CTNNA2: variants seen among roughly 807,000 people sequenced by gnomAD.
CTNNA2 encodes catenin alpha 2, also known as catenin alpha-2.
In CTNNA2, 42 loss-of-function variants were observed where a neutral mutation model predicts 101.0. The observed-to-expected ratio is 0.42, with a 90% CI of 0.32 to 0.54. The LOEUF (loss-of-function observed/expected upper bound fraction) is 0.54, where lower values mean the gene tolerates loss of function less well. CTNNA2 is among the 20% of genes least tolerant of loss of function. The pLI, the probability that CTNNA2 is intolerant of heterozygous loss-of-function variation, is 0.14. For missense variants in CTNNA2, 871 were observed against 1,223.1 expected (o/e 0.71, Z 4.29); for synonymous variants, 450 against 456.4 (o/e 0.99, Z 0.18).
At chr2:79,196,460 CA>C (rs1558570125) in intron 1 of CTNNA2, among the ~76,000 whole-genome samples, 1 of 152,156 alleles carries the variant, frequency 6.6e-6, no homozygotes, top group East Asian at 1.9e-4. Flanking sequence ...TCCTTCAAAC[CA>C]GTTACAACTT....
intron 9 of CTNNA2, among the ~76,000 whole-genome samples, chr2:80,478,248 T>G (rs971995290): frequency 6.6e-6 from 1 of 152,138 alleles, no homozygotes; most frequent in Non-Finnish European, 1.5e-5. Flanking sequence ...TTATTTGTTA[T>G]TGGTTTATTT....
chr2:80,046,219 C>T (rs533546665), intron 7 of CTNNA2, among the ~76,000 whole-genome samples: 2 of 152,250 alleles, frequency 1.3e-5, no homozygotes, highest in South Asian at 2.1e-4. Context: ...AGAAGTGTGC[C>T]ATGCCTCTCC....
intron 7 of CTNNA2, among the ~76,000 whole-genome samples, chr2:79,926,815 G>A (rs1275300927): frequency 1.3e-5 from 2 of 151,698 alleles, no homozygotes; most frequent in Non-Finnish European, 2.9e-5. Flanking sequence ...ATATGCAATA[G>A]AATGAGAGAC....
chr2:79,923,455 A>G (rs946139853), intron 7 of CTNNA2, among the ~76,000 whole-genome samples: 1 of 152,124 alleles, frequency 6.6e-6, no homozygotes, highest in Non-Finnish European at 1.5e-5. Flanking sequence ...AATTAATTAA[A>G]TTGACAAGTA....
At chr2:79,256,089 GAAA>G (rs1445416441) in intron 2 of CTNNA2, among the ~76,000 whole-genome samples, 1 of 152,166 alleles carries the variant, frequency 6.6e-6, no homozygotes, top group Admixed American at 6.6e-5. Context: ...TGGCAAGAGT[GAAA>G]ACAAGCCAAC....
chr2:79,624,988 G>A (rs1558780896), intron 1 of CTNNA2, among the ~76,000 whole-genome samples: 1 of 152,168 alleles, frequency 6.6e-6, no homozygotes, highest in South Asian at 2.1e-4. Flanking sequence ...TGCGTTGAGA[G>A]CATAGTAGGA....
At chr2:80,007,445 A>C (rs137951202) in intron 7 of CTNNA2, among the ~76,000 whole-genome samples, 1 of 152,254 alleles carries the variant, frequency 6.6e-6, no homozygotes, top group African/African-American at 2.4e-5. Context: ...ATTAGTAGCA[A>C]CTACTACTAA....
At chr2:79,884,482 C>G (rs1310801356) in intron 6 of CTNNA2, among the ~76,000 whole-genome samples, 2 of 152,132 alleles carry the variant, frequency 1.3e-5, no homozygotes, top group African/African-American at 4.8e-5. Context: ...CTTTTATTTT[C>G]TACTTTTCGA....
intron 7 of CTNNA2, among the ~76,000 whole-genome samples, chr2:80,284,975 G>C (rs146049496): frequency 1.3e-5 from 2 of 152,162 alleles, no homozygotes; most frequent in Non-Finnish European, 2.9e-5. Flanking sequence ...CTTAGTCCTA[G>C]TGTTTGTTCA....
intron 3 of CTNNA2, among the ~76,000 whole-genome samples, chr2:79,324,218 C>T (rs547892079): frequency 6.6e-6 from 1 of 152,320 alleles, no homozygotes; most frequent in African/African-American, 2.4e-5. Context: ...AGAAGGCTGC[C>T]AGGCAGGGCC....
chr2:79,323,543 C>A (rs913925160), intron 3 of CTNNA2, among the ~76,000 whole-genome samples: 3 of 152,024 alleles, frequency 2.0e-5, no homozygotes, highest in Admixed American at 6.6e-5. Context: ...AAAAATAGAA[C>A]AAAGTAAAAC....
At chr2:80,158,250 G>T (rs910715150) in intron 7 of CTNNA2, among the ~76,000 whole-genome samples, 7 of 152,110 alleles carry the variant, frequency 4.6e-5, no homozygotes, top group Admixed American at 3.3e-4. Context: ...TGGTCTTCAA[G>T]CATTTTGACT....
At chr2:79,972,564 C>A (rs888146293) in intron 7 of CTNNA2, among the ~76,000 whole-genome samples, 1 of 152,120 alleles carries the variant, frequency 6.6e-6, no homozygotes, top group South Asian at 2.1e-4. Flanking sequence ...CACGTCTTTA[C>A]GTCTAGGTGC....
At chr2:79,725,454 T>C (rs1175999212) in intron 2 of CTNNA2, among the ~76,000 whole-genome samples, 2 of 152,188 alleles carry the variant, frequency 1.3e-5, no homozygotes, top group Non-Finnish European at 2.9e-5. Context: ...AAGCACATGC[T>C]CCAAGAGTGT....
At chr2:79,493,470 G>T (rs1323850770) in intron 4 of CTNNA2, among the ~76,000 whole-genome samples, 1 of 152,028 alleles carries the variant, frequency 6.6e-6, no homozygotes, top group Non-Finnish European at 1.5e-5. Context: ...ACAAAAATTA[G>T]CCAGGTGTGG....
intron 12 of CTNNA2, among the ~76,000 whole-genome samples, chr2:80,561,460 G>A (rs954470046): frequency 1.4e-4 from 22 of 152,234 alleles, no homozygotes; most frequent in African/African-American, 5.1e-4. Flanking sequence ...GCAAGGTTTT[G>A]GGGCTCAGAA....
rs182375372 is a variant in CTNNA2 at position 80,210,137 on chromosome 2, T to C, written c.1057-183074T>C. 3.9e-5 allele frequency among the ~76,000 whole-genome samples: 6 copies of C among 152,358 alleles called. No homozygotes were observed. The East Asian group carries it at 1.2e-3, about 29-fold the overall frequency. ...TCTAATCAGTATGCAGAGATAGTTT[T>C]TTAGATAACTTTAGGGTTTCCATTT... On this transcript the variant is annotated intron_variant, in intron 7 of 18. Transcript: ENST00000402739.
At chr2:79,683,952 C>T (rs1264039389) in intron 2 of CTNNA2, among the ~76,000 whole-genome samples, 1 of 152,162 alleles carries the variant, frequency 6.6e-6, no homozygotes, top group Non-Finnish European at 1.5e-5. Flanking sequence ...TCTGCTGTCA[C>T]TGAAGGAGAG....
chr2:80,390,640 A>T (rs1400566560), intron 7 of CTNNA2, among the ~76,000 whole-genome samples: 1 of 152,210 alleles, frequency 6.6e-6, no homozygotes, highest in African/African-American at 2.4e-5. Context: ...AATTTTAGGT[A>T]AACAATAATT....
Sources: gnomAD v4.1 joint callset for allele counts (sites outside exome capture counted in the v4.1 genomes callset) on GRCh38, gnomAD v4.1.1 for gene constraint, MANE v1.5 for transcripts, NCBI Gene and HGNC (gene_info 2026-07-23, HGNC 2026-07-21) for gene names.